The following RIC1 variants were observed in gnomAD, a reference collection of about 807,000 sequenced individuals.
The protein encoded by RIC1 is guanine nucleotide exchange factor subunit RIC1.
In RIC1, 88 loss-of-function variants were observed where a neutral mutation model predicts 169.0. The observed-to-expected ratio is 0.52, with a 90% confidence interval of 0.44 to 0.62. The LOEUF is 0.62. RIC1 is among the 20% of genes least tolerant of loss of function. The pLI is 0.00. For synonymous variants in RIC1, 790 were observed against 601.5 expected, an observed-to-expected ratio of 1.31 and a Z score of -4.59; for missense variants, 1,877 against 1,725.5, an observed-to-expected ratio of 1.09 and a Z score of -1.56.
Position 5,692,314 on chromosome 9 carries a change from A to C in RIC1, c.332+2276A>C, listed in dbSNP as rs575369560. Among the ~76,000 whole-genome samples the C allele has an allele frequency of 5.3e-5, 8 of 152,212 alleles. No homozygotes were observed. In the South Asian group the frequency reaches 1.7e-3, roughly 32 times the overall value. On this transcript the variant is annotated intron_variant, in intron 3 of 25. Coordinates refer to ENST00000414202, the MANE Select transcript of RIC1 (RefSeq NM_020829.4). ...ACTTTCCTCATCTGTAGAGTAGGAT[A>C]ACAGTAGTAATCATCTCATAAGATT... is the stretch of plus-strand genomic sequence containing the variant.
chr9:5,773,899 T>C (rs1377071608), intron 25 of RIC1, 59 bp from the exon 26 acceptor site: 5 of 1,440,202 alleles, frequency 3.5e-6, no homozygotes, highest in East Asian at 2.3e-5. Flanking sequence ...TCACCCGTAA[T>C]GTTCTACCAA....
intron 2 of RIC1, among the ~76,000 whole-genome samples, chr9:5,685,593 A>G (rs1432646156): frequency 6.7e-6 from 1 of 150,068 alleles, no homozygotes; most frequent in African/African-American, 2.5e-5. Flanking sequence ...CTGAAACTGG[A>G]TGCCTTCCTT....
intron 7 of RIC1, among the ~76,000 whole-genome samples, chr9:5,738,004 A>G (rs1310789217): frequency 1.3e-5 from 2 of 152,102 alleles, no homozygotes; most frequent in African/African-American, 4.8e-5. Flanking sequence ...AAATACATGT[A>G]TAAGTGGGCC....
chr9:5,697,099 G>C (rs545193988), intron 3 of RIC1, among the ~76,000 whole-genome samples: 13 of 152,142 alleles, frequency 8.5e-5, no homozygotes, highest in Non-Finnish European at 1.8e-4. Context: ...TATGTATTTG[G>C]ATAGTATTCA....
intron 4 of RIC1, among the ~76,000 whole-genome samples, chr9:5,715,144 G>A (rs980937863): frequency 2.0e-5 from 3 of 152,136 alleles, no homozygotes; most frequent in Admixed American, 1.3e-4. Context: ...GTTACTCATC[G>A]CCTTGGTCAC....
intron 6 of RIC1, among the ~76,000 whole-genome samples, chr9:5,727,117 G>A (rs575940506): frequency 8.5e-5 from 13 of 152,300 alleles, no homozygotes; most frequent in African/African-American, 2.9e-4. Context: ...CTAGGTTGGG[G>A]AAGTTCTCCT....
rs1370654973 is a variant in RIC1 at position 5,769,008 on chromosome 9, T to C, written c.3176T>C (p.Ile1059Thr). 6.2e-6 allele frequency: 10 copies of C among 1,613,742 alleles called. No individual in the cohort carries two copies. The highest frequency in any genetic ancestry group is 1.7e-5 in the Admixed American group (1 of 59,950). The change falls in exon 22 of 26, where the codon ATT becomes ACT. Residue 1059 changes from isoleucine to threonine, a missense_variant. Physicochemically the swap from Ile to Thr is moderately conservative, Grantham distance 89 (BLOSUM62 -1). This residue lies in a region of RIC1 where 681 missense variants were observed against 582.0 expected (regional missense o/e 1.17). Coordinates refer to ENST00000414202, the MANE Select transcript of RIC1 (RefSeq NM_020829.4). ...KDSDCAENMY[I>T]DMMLWRHARR... Reference sequence around the variant, plus strand: ...AGTGACTGTGCTGAGAACATGTATATTGACATGATGCTCTGGAGACATGCT... The same window carrying C: ...AGTGACTGTGCTGAGAACATGTATACTGACATGATGCTCTGGAGACATGCT...
intron 6 of RIC1, among the ~76,000 whole-genome samples, chr9:5,731,896 C>G (rs557691376): frequency 6.6e-6 from 1 of 152,214 alleles, no homozygotes; most frequent in Non-Finnish European, 1.5e-5. Flanking sequence ...TGCTATTAAC[C>G]ATTACACTAT....
At chr9:5,739,753 A>G (rs963810846) in intron 8 of RIC1, among the ~76,000 whole-genome samples, 1 of 152,124 alleles carries the variant, frequency 6.6e-6, no homozygotes, top group Admixed American at 6.5e-5. Flanking sequence ...GGGATGGGGA[A>G]AGCTGTTTCT....
intron 18 of RIC1, 136 bp downstream of exon 18, chr9:5,762,796 C>A: frequency 8.7e-7 from 1 of 1,150,746 alleles, no homozygotes; most frequent in Non-Finnish European, 1.2e-6. Context: ...AGTCTTAAGC[C>A]TCTGGGTGTA....
At chr9:5,698,534 G>A (rs932787163) in intron 3 of RIC1, among the ~76,000 whole-genome samples, 8 of 152,160 alleles carry the variant, frequency 5.3e-5, no homozygotes, top group Non-Finnish European at 7.4e-5. Context: ...TAATAAAACC[G>A]GCTTAGCTTC....
intron 1 of RIC1, among the ~76,000 whole-genome samples, chr9:5,642,300 A>AT (rs1435788362): frequency 6.9e-6 from 1 of 144,022 alleles, no homozygotes; most frequent in Admixed American, 6.7e-5. Flanking sequence ...TGATGCAAGC[A>AT]CCCCTGTTGC....
intron 12 of RIC1, among the ~76,000 whole-genome samples, chr9:5,751,339 A>G (rs2131026004): frequency 6.6e-6 from 1 of 151,846 alleles, no homozygotes; most frequent in East Asian, 1.9e-4. Context: ...AATTTTACCC[A>G]TCATAGTGAT....
intron 1 of RIC1, among the ~76,000 whole-genome samples, chr9:5,633,137 T>C (rs959547334): frequency 3.3e-5 from 5 of 152,222 alleles, no homozygotes; most frequent in Non-Finnish European, 7.4e-5. Context: ...ATATGTCGTT[T>C]AGTAATCCTG....
intron 8 of RIC1, among the ~76,000 whole-genome samples, chr9:5,741,036 T>G (rs1362829731): frequency 6.6e-6 from 1 of 152,204 alleles, no homozygotes. Flanking sequence ...TTTTTGAAGG[T>G]AAACTCTACT....
chr9:5,766,471 T>C (rs1028115079), intron 21 of RIC1, among the ~76,000 whole-genome samples: 1 of 149,424 alleles, frequency 6.7e-6, no homozygotes, highest in Non-Finnish European at 1.5e-5. Flanking sequence ...CACTGCACCA[T>C]ATTTGTTGTC....
chr9:5,709,661 A>G (rs1327207352), intron 3 of RIC1, among the ~76,000 whole-genome samples: 1 of 151,860 alleles, frequency 6.6e-6, no homozygotes, highest in African/African-American at 2.4e-5. Context: ...ATCTTCTGTG[A>G]CTCTCTTCCA....
chr9:5,732,176 G>T (rs1216767613), intron 6 of RIC1, among the ~76,000 whole-genome samples: 2 of 152,124 alleles, frequency 1.3e-5, no homozygotes, highest in African/African-American at 4.8e-5. Flanking sequence ...GTATTTATCA[G>T]ACCAATTCAT....
intron 23 of RIC1, among the ~76,000 whole-genome samples, chr9:5,771,956 A>C (rs1466769998): frequency 6.6e-6 from 1 of 152,186 alleles, no homozygotes; most frequent in Non-Finnish European, 1.5e-5. Flanking sequence ...TTTAAGAATT[A>C]TGACCAAAAT....
Sources: allele counts gnomAD v4.1 joint callset (sites outside exome capture counted in the v4.1 genomes callset), GRCh38; gene constraint gnomAD v4.1.1; regional missense constraint gnomAD v4.1.1; transcripts MANE v1.5; gene names NCBI Gene and HGNC (gene_info 2026-07-23, HGNC 2026-07-21).